The following NRXN2 variants were observed in gnomAD, a reference collection of about 807,000 sequenced individuals.
NRXN2 encodes the protein neurexin-2-beta.
A neutral mutation model predicts 128.8 loss-of-function variants in NRXN2; 29 were observed. The observed-to-expected ratio is 0.23, with a 90% confidence interval of 0.17 to 0.31. NRXN2 has a LOEUF of 0.31. Ranked by LOEUF, NRXN2 falls within the 10% of genes least tolerant of loss-of-function variation. The probability of loss-of-function intolerance (pLI) is 1.00; values close to 1 mark genes in which losing one functional copy is unlikely to be tolerated. For missense variants in NRXN2, 1,881 were observed against 2,452.6 expected, an observed-to-expected ratio of 0.77 and a Z score of 4.92; for synonymous variants, 1,098 against 1,075.2, an observed-to-expected ratio of 1.02 and a Z score of -0.41.
intron 22 of NRXN2, among the ~76,000 whole-genome samples, chr11:64,608,695 T>C (rs1397179310): frequency 6.6e-6 from 1 of 152,172 alleles, no homozygotes; most frequent in Non-Finnish European, 1.5e-5. Context: ...ATCTGTTCGG[T>C]ATCTCCCTCC....
Position 64,648,188 on chromosome 11 carries a change from C to A in NRXN2, c.3403+31G>T. Reference sequence around the variant, plus strand: ...GGCTGGGAATGGACCCTGGTCTCCCCAAACTGCCCCCAGCCCTCCCAGGCA... The same window carrying A: ...GGCTGGGAATGGACCCTGGTCTCCCAAAACTGCCCCCAGCCCTCCCAGGCA... On this transcript the variant is annotated intron_variant, in intron 17 of 22. Coordinates refer to ENST00000265459, the MANE Select transcript of NRXN2 (RefSeq NM_015080.4). The surrounding 1 kb of genome is among the most constrained non-coding windows in gnomAD (Gnocchi z 4.1). 1.2e-6 allele frequency: 2 copies of A among 1,613,976 alleles called. No individual in the cohort carries two copies. Among genetic ancestry groups the A allele is most frequent in the South Asian group, 2.2e-5 (2 of 91,076 alleles).
At chr11:64,695,678 C>G (rs148843910) in intron 3 of NRXN2, among the ~76,000 whole-genome samples, 4 of 152,162 alleles carry the variant, frequency 2.6e-5, no homozygotes, top group African/African-American at 7.2e-5. Flanking sequence ...ACAGACATGT[C>G]TCAGAGTGAC....
chr11:64,638,573 A>G (rs1004971733), intron 17 of NRXN2, among the ~76,000 whole-genome samples: 3 of 152,198 alleles, frequency 2.0e-5, no homozygotes, highest in African/African-American at 7.2e-5. Flanking sequence ...TCTAGGAGAC[A>G]CGGAGCGCAA....
intron 17 of NRXN2, among the ~76,000 whole-genome samples, chr11:64,641,027 G>A (rs1222745947): frequency 6.6e-6 from 1 of 152,120 alleles, no homozygotes; most frequent in Non-Finnish European, 1.5e-5. Context: ...AGGATAGGAA[G>A]GGAGAGAAGT....
At position 64,713,519 on chromosome 11, in the gene NRXN2, C is replaced by G; in HGVS notation, c.181G>C (p.Ala61Pro). The change falls in exon 2 of 23, where the codon GCC (alanine) becomes CCC (proline). Residue 61 changes from alanine to proline, a missense_variant. By Grantham distance (27) the Ala-to-Pro change is conservative. Coordinates refer to ENST00000265459, the MANE Select transcript of NRXN2 (RefSeq NM_015080.4). ...AGGTAGAGCAGCAGCGCGCGCGTGG[C>G]GTTGGTGCGCAGGCTGAAGCTGAGC... ...GELSFSLRTN[A>P]TRALLLYLDD... 6.6e-7 allele frequency: 1 copy of G among 1,509,808 alleles called. No individual in the cohort carries two copies. The highest frequency in any genetic ancestry group is 1.4e-5 in the African/African-American group (1 of 70,012). 93.5% of individuals were successfully genotyped at this position (1,509,808 alleles called of 1,614,324 possible). A position where few individuals can be genotyped will look rare whatever the true frequency, so the allele number is the denominator to read the frequency against.
At chr11:64,702,613 G>T (rs1165772319) in intron 2 of NRXN2, among the ~76,000 whole-genome samples, 2 of 152,036 alleles carry the variant, frequency 1.3e-5, no homozygotes, top group South Asian at 4.1e-4. Flanking sequence ...CATGCTCCTT[G>T]GGAGTCATCA....
intron 17 of NRXN2, among the ~76,000 whole-genome samples, chr11:64,640,540 C>T (rs2045510467): frequency 6.6e-6 from 1 of 151,404 alleles, no homozygotes; most frequent in East Asian, 1.9e-4. Context: ...AGGAAGGTAA[C>T]AAAGAGCCAG....
intron 2 of NRXN2, among the ~76,000 whole-genome samples, chr11:64,709,898 TTTC>T (rs899606529): frequency 7.3e-5 from 11 of 150,864 alleles, no homozygotes; most frequent in Non-Finnish European, 1.6e-4. Flanking sequence ...CACTTTCCCT[TTTC>T]TTCTTCCTTT....
rs371499974 is a variant in NRXN2 at position 64,700,201 on chromosome 11, C to T, written c.731-2409G>A. ...GGCTCATTTTCGTGCTCAGAGACTC[C>T]CAAACCATGGGTAGTCCCGGCCTCC... On this transcript the variant is annotated intron_variant, in intron 2 of 22. Transcript: ENST00000265459. Among the ~76,000 whole-genome samples the T allele has an allele frequency of 2.3e-3, 357 of 152,282 alleles. 2 individuals are homozygous for T. Among genetic ancestry groups the T allele is most frequent in the African/African-American group, 8.3e-3 (343 of 41,548 alleles).
chr11:64,649,380 C>T (rs1364465100), intron 15 of NRXN2, among the ~76,000 whole-genome samples: 3 of 152,146 alleles, frequency 2.0e-5, no homozygotes, highest in Admixed American at 2.0e-4. Context: ...TAGGGCTTGG[C>T]CTTGGGACTC....
chr11:64,629,188 C>G lies in NRXN2; in HGVS notation c.3757+1214G>C, dbSNP rs527643668. Among the ~76,000 whole-genome samples, 11 of 152,342 alleles carry G rather than the reference C, an allele frequency of 7.2e-5. No homozygotes were observed. In the South Asian group the frequency reaches 2.1e-3, roughly 29 times the overall value. On this transcript the variant is annotated intron_variant, in intron 19 of 22. Coordinates refer to ENST00000265459, the MANE Select transcript of NRXN2 (RefSeq NM_015080.4). ...CTTCTCTGCCTCAGCCTGGCTATCT[C>G]TCCGCCTGGGAGAGTGATGGAGGTC...
intron 6 of NRXN2, among the ~76,000 whole-genome samples, chr11:64,680,600 T>C (rs376507304): frequency 1.3e-5 from 2 of 152,202 alleles, no homozygotes; most frequent in East Asian, 3.8e-4. Context: ...CTTGTTTTTC[T>C]CATCAGTAAA....
In NRXN2 at chr11:64,630,688, C is replaced by G; in HGVS notation, c.3586-115G>C. 1 of 1,214,916 alleles carries G rather than the reference C, an allele frequency of 8.2e-7. No individual in the cohort carries two copies. Among genetic ancestry groups the G allele is most frequent in the South Asian group, 1.3e-5 (1 of 78,216 alleles). The allele number at this position is 1,214,916 out of a possible 1,614,324, so 75.3% of individuals were successfully genotyped here. ...TCCGCAGCACTTAAGGCACCTTTCC[C>G]AGGTCTCAACCGCTGGAGGAGGTGG... On this transcript the variant is annotated intron_variant, in intron 18 of 22. Transcript: ENST00000265459. This position sits in a 1 kb window ranked among gnomAD's most constrained non-coding sequence, Gnocchi z 4.6.
intron 1 of NRXN2, among the ~76,000 whole-genome samples, chr11:64,720,646 C>T (rs563634269): frequency 5.3e-5 from 8 of 151,986 alleles, no homozygotes; most frequent in African/African-American, 1.7e-4. Context: ...AGGGGGTGAG[C>T]CACAGCATTA....
intron 22 of NRXN2, among the ~76,000 whole-genome samples, chr11:64,612,724 T>G (rs1053736440): frequency 1.3e-5 from 2 of 152,218 alleles, no homozygotes; most frequent in Non-Finnish European, 2.9e-5. Context: ...AAGGGGAGTC[T>G]AGAATTGAGG....
chr11:64,639,451 A>C (rs565803232), intron 17 of NRXN2, among the ~76,000 whole-genome samples: 1 of 152,204 alleles, frequency 6.6e-6, no homozygotes, highest in Non-Finnish European at 1.5e-5. Context: ...AGAAATTAGC[A>C]GGGATTGACC....
chr11:64,701,520 C>T (rs1429291339), intron 2 of NRXN2, among the ~76,000 whole-genome samples: 3 of 152,164 alleles, frequency 2.0e-5, no homozygotes, highest in Non-Finnish European at 4.4e-5. Context: ...GGGAGGATCA[C>T]TTGAGCCCAG....
At position 64,667,238 on chromosome 11, in the gene NRXN2, AG is replaced by A; in HGVS notation, c.1798+11del. 1 of 1,613,952 alleles carries A rather than the reference AG, an allele frequency of 6.2e-7. No homozygotes were observed. Among genetic ancestry groups the A allele is most frequent in the Admixed American group, 1.7e-5 (1 of 60,026 alleles). ...GGCCCATGGAAGGGGAAGGGTCCAG[AG>A]GCCTCCTGACCTTTTCGCCCATCCC... On this transcript the variant is annotated intron_variant, in intron 9 of 22. Coordinates refer to ENST00000265459, the MANE Select transcript of NRXN2 (RefSeq NM_015080.4). The surrounding 1 kb of genome is among the most constrained non-coding windows in gnomAD (Gnocchi z 5.6).
chr11:64,632,890 CTT>C lies in NRXN2; in HGVS notation c.3586-2319_3586-2318del, dbSNP rs918671097. Among the ~76,000 whole-genome samples the C allele has an allele frequency of 1.3e-5, 2 of 152,202 alleles. No homozygotes were observed. The highest frequency in any genetic ancestry group is 2.9e-5 in the Non-Finnish European group (2 of 68,026). ...ACGCTTTATTAGAAACGTCAAATTG[CTT>C]TTCTCTTATTTTGCTGCCGCCTCCC... On this transcript the variant is annotated intron_variant, in intron 18 of 22. Coordinates refer to ENST00000265459, the MANE Select transcript of NRXN2 (RefSeq NM_015080.4). The surrounding 1 kb of genome is among the most constrained non-coding windows in gnomAD (Gnocchi z 4.2).
Sources: gnomAD v4.1 joint callset for allele counts (sites outside exome capture counted in the v4.1 genomes callset) on GRCh38, gnomAD v4.1.1 for gene constraint, Gnocchi (gnomAD v3.1) non-coding constraint, MANE v1.5 for transcripts, NCBI Gene and HGNC (gene_info 2026-07-23, HGNC 2026-07-21) for gene names.